Variants in SLC14A1 observed in about 807,000 individuals in gnomAD.
SLC14A1 encodes the protein solute carrier family 14 member 1 (Kidd blood group).
Under a neutral mutation model 39.6 loss-of-function variants are expected in SLC14A1, and 36 were observed. That is an observed-to-expected ratio of 0.91 (90% CI 0.70 to 1.20). SLC14A1 has a LOEUF of 1.20. Ranked by LOEUF, SLC14A1 falls within the 50% of genes most tolerant of loss-of-function variation. SLC14A1 has a pLI of 0.00. For synonymous variants in SLC14A1, 164 were observed against 173.6 expected, an observed-to-expected ratio of 0.94 and a Z score of 0.43; for missense variants, 469 against 478.7, an observed-to-expected ratio of 0.98 and a Z score of 0.19.
chr18:45,742,353 G>GTTTTTTT (rs34628652), intron 8 of SLC14A1, among the ~76,000 whole-genome samples: 1 of 118,022 alleles, frequency 8.5e-6, no homozygotes, highest in Non-Finnish European at 1.6e-5. Flanking sequence ...TTGTTTTTTG[G>GTTTTTTT]TTTTTTTTTT....
At chr18:45,749,048 A>G (rs537515702) in intron 9 of SLC14A1, among the ~76,000 whole-genome samples, 1 of 152,328 alleles carries the variant, frequency 6.6e-6, no homozygotes, top group South Asian at 2.1e-4. Flanking sequence ...GCTGCACACC[A>G]GAGTCAGCTA....
At chr18:45,732,308 C>T (rs1362607380) in intron 4 of SLC14A1, among the ~76,000 whole-genome samples, 1 of 152,210 alleles carries the variant, frequency 6.6e-6, no homozygotes, top group East Asian at 1.9e-4. Context: ...TTAACTATGG[C>T]ATTCCACAAT....
chr18:45,749,066 A>G (rs576253), intron 9 of SLC14A1, among the ~76,000 whole-genome samples: 148,274 of 152,194 alleles, frequency 0.97, 72,350 homozygotes, highest in Middle Eastern at 1. Context: ...CTAGGAAGAC[A>G]GAAAAATATG....
chr18:45,742,359 T>TTG (rs1312894746), intron 8 of SLC14A1, among the ~76,000 whole-genome samples: 8 of 145,582 alleles, frequency 5.5e-5, no homozygotes. Context: ...TTTGGTTTTT[T>TTG]TTTTTTTTTT....
At chr18:45,747,018 G>C (rs1937314680) in intron 8 of SLC14A1, 1 of 152,194 alleles carries the variant, frequency 6.6e-6, no homozygotes, top group Non-Finnish European at 1.5e-5. Context: ...AGGATAAAAA[G>C]ACAAAATATT....
chr18:45,731,129 AC>A lies in SLC14A1; in HGVS notation c.270del (p.Trp91GlyfsTer15), dbSNP rs766335775. The A allele has an allele frequency of 5.6e-6, 9 of 1,613,856 alleles. No individual in the cohort carries two copies. The highest frequency in any genetic ancestry group is 7.6e-6 in the Non-Finnish European group (9 of 1,179,940). On this transcript the variant is annotated frameshift_variant, in exon 4 of 10. Transcript: ENST00000321925. LOFTEE classifies it high-confidence loss of function. ...ILILVGLLVQ[N>X]PWWALTGWLG... ...ATTCTGGTAGGACTTCTTGTTCAGA[AC>A]CCCTGGTGGGCTCTCACTGGCTGGC...
chr18:45,730,362 T>C lies in SLC14A1; in HGVS notation c.42T>C (p.Thr14=), dbSNP rs772938446. ...SPTMVRVDSP[T]MVRGENQVSP... ...CTATGGTTAGAGTGGACAGCCCCAC[T>C]ATGGTTAGGGGTGAAAACCAGGTTT... The change falls in exon 3 of 10, where the codon ACT becomes ACC. Residue 14 remains threonine (T), a synonymous_variant. Coordinates refer to ENST00000321925, the MANE Select transcript of SLC14A1 (RefSeq NM_015865.7). The C allele has an allele frequency of 8.7e-6, 14 of 1,614,000 alleles. No homozygotes were observed. Among genetic ancestry groups the C allele is most frequent in the Non-Finnish European group, 1.2e-5 (14 of 1,180,020 alleles).
At chr18:45,744,910 G>A (rs1177802344) in intron 8 of SLC14A1, among the ~76,000 whole-genome samples, 3 of 152,068 alleles carry the variant, frequency 2.0e-5, no homozygotes, top group South Asian at 2.1e-4. Flanking sequence ...CCATTGCACC[G>A]ATCACATTAT....
chr18:45,730,977 G>A (rs757844601), intron 3 of SLC14A1, 38 bp from the exon 4 acceptor site: 1 of 1,597,934 alleles, frequency 6.3e-7, no homozygotes. Flanking sequence ...GTATCACTTG[G>A]CAGCTTCCTT....
Position 45,752,014 on chromosome 18 carries a change from T to C in SLC14A1, c.*2063T>C. 2.0e-6 allele frequency: 2 copies of C among 985,370 alleles called. No homozygotes were observed. Among genetic ancestry groups the C allele is most frequent in the Non-Finnish European group, 2.4e-6 (2 of 829,892 alleles). 61.0% of individuals were successfully genotyped at this position (985,370 alleles called of 1,614,324 possible). ...ACAAATATTTTAGGGAGAAGCTCACTTCTTCCTTTTCTCAGGAAACCAAGC... is the reference window on the plus strand; with the variant it reads ...ACAAATATTTTAGGGAGAAGCTCACCTCTTCCTTTTCTCAGGAAACCAAGC... On this transcript the variant is annotated 3_prime_UTR_variant, in exon 10 of 10. Transcript: ENST00000321925.
intron 2 of SLC14A1, chr18:45,727,450 G>C: frequency 6.6e-7 from 1 of 1,525,498 alleles, no homozygotes; most frequent in Non-Finnish European, 8.9e-7. Context: ...TCTGGCTCGG[G>C]GAACCTGGGA....
Position 45,736,440 on chromosome 18 carries a change from T to C in SLC14A1, c.471-16T>C, listed in dbSNP as rs1301104851. 7 of 1,613,736 alleles carry C rather than the reference T, an allele frequency of 4.3e-6. No homozygotes were observed. Among genetic ancestry groups the C allele is most frequent in the African/African-American group, 2.7e-5 (2 of 74,918 alleles). On this transcript the variant is annotated splice_polypyrimidine_tract_variant and intron_variant, in intron 5 of 9. Coordinates refer to ENST00000321925, the MANE Select transcript of SLC14A1 (RefSeq NM_015865.7). The stretch of plus-strand genomic sequence containing the variant: ...CTTTGTCACATGCACATTCTTTTGC[T>C]CTGTTCTTTTTTTAGCCCAATTTTC...
intron 2 of SLC14A1, among the ~76,000 whole-genome samples, chr18:45,727,636 T>C (rs1739615626): frequency 6.6e-6 from 1 of 152,238 alleles, no homozygotes. Context: ...AAGCTGGGGA[T>C]AAGTCACCTG....
At chr18:45,725,648 G>A (rs1242522886) in intron 2 of SLC14A1, among the ~76,000 whole-genome samples, 1 of 152,150 alleles carries the variant, frequency 6.6e-6, no homozygotes, top group Non-Finnish European at 1.5e-5. Flanking sequence ...TTGTTGACTT[G>A]AACCGAACCT....
At chr18:45,747,700 A>T (rs941514348) in intron 8 of SLC14A1, among the ~76,000 whole-genome samples, 12 of 152,134 alleles carry the variant, frequency 7.9e-5, no homozygotes, top group African/African-American at 2.9e-4. Flanking sequence ...ATCTCCAAAA[A>T]AAATAAAAAA....
intron 5 of SLC14A1, among the ~76,000 whole-genome samples, chr18:45,735,796 G>C (rs1435621185): frequency 6.6e-6 from 1 of 152,192 alleles, no homozygotes; most frequent in Non-Finnish European, 1.5e-5. Flanking sequence ...TGGGAGTTCT[G>C]GTCTTTAAGT....
At chr18:45,736,772 C>T in intron 6 of SLC14A1, 124 bp downstream of exon 6, 2 of 809,800 alleles carry the variant, frequency 2.5e-6, no homozygotes, top group Admixed American at 3.9e-5. Flanking sequence ...TTTCTGCCTT[C>T]ATCTTGCCAT....
intron 4 of SLC14A1, chr18:45,731,523 C>A: frequency 2.7e-6 from 1 of 375,994 alleles, no homozygotes; most frequent in Non-Finnish European, 5.1e-6. Context: ...TTGTCGTCAG[C>A]ATTCTATTTG....
chr18:45,734,436 GAA>G, intron 5 of SLC14A1, 34 bp downstream of exon 5: 1 of 1,370,806 alleles, frequency 7.3e-7, no homozygotes, highest in South Asian at 1.2e-5. Context: ...ATGCCTTTTT[GAA>G]AAAAAAAACA....
Sources: allele counts gnomAD v4.1 joint callset (sites outside exome capture counted in the v4.1 genomes callset), GRCh38; gene constraint gnomAD v4.1.1; transcripts MANE v1.5; gene names NCBI Gene and HGNC (gene_info 2026-07-23, HGNC 2026-07-21).